NEK9: variants seen among roughly 807,000 people sequenced by gnomAD.
The protein encoded by NEK9 is NIMA related kinase 9, also known as serine/threonine-protein kinase Nek9.
NEK9 carries 75 observed loss-of-function variants against 123.4 expected under a neutral mutation model. The ratio of observed to expected loss-of-function variants is 0.61; its 90% CI spans 0.50 to 0.74. NEK9 has a LOEUF of 0.74. NEK9 is among the 30% of genes least tolerant of loss of function. The pLI, the probability that NEK9 is intolerant of heterozygous loss-of-function variation, is 0.00. For missense variants in NEK9, 952 were observed against 1,214.4 expected (o/e 0.78, Z 3.21); for synonymous variants, 438 against 458.7 (o/e 0.95, Z 0.58).
chr14:75,102,275 C>T (rs1236259754), intron 14 of NEK9, among the ~76,000 whole-genome samples: 1 of 152,216 alleles, frequency 6.6e-6, no homozygotes, highest in Non-Finnish European at 1.5e-5. Context: ...TTTAAAATTT[C>T]ACAACAAATC....
In NEK9 at chr14:75,114,196, C is replaced by T. The variant is rs1184703290; in HGVS notation, c.873+7G>A. ...GAAACTGAAGTGAATGTTTAAGTCA[C>T]ACCTACCTGGTCAAGGCACGAATGA... On this transcript the variant is annotated splice_region_variant and intron_variant, in intron 7 of 21. Transcript: ENST00000238616. 3 of 1,598,806 alleles carry T rather than the reference C, an allele frequency of 1.9e-6. No individual in the cohort carries two copies. The highest frequency in any genetic ancestry group is 2.2e-5 in the South Asian group (2 of 90,756).
At chr14:75,117,120 A>C in intron 6 of NEK9, 75 bp downstream of exon 6, 1 of 1,474,464 alleles carries the variant, frequency 6.8e-7, no homozygotes, top group Non-Finnish European at 9.1e-7. Context: ...GCCTGGGAAT[A>C]GAGTTGATCT....
intron 14 of NEK9, 45 bp downstream of exon 14, chr14:75,103,797 G>A: frequency 6.4e-7 from 1 of 1,555,652 alleles, no homozygotes; most frequent in South Asian, 1.2e-5. Context: ...TTCCAACCTA[G>A]AGAAATTCTG....
chr14:75,099,860 G>A (rs1156509156), intron 16 of NEK9, among the ~76,000 whole-genome samples: 2 of 151,444 alleles, frequency 1.3e-5, no homozygotes, highest in African/African-American at 4.9e-5. Context: ...ACCAGGTGCA[G>A]TGGCTCACAC....
intron 13 of NEK9, among the ~76,000 whole-genome samples, chr14:75,104,309 G>A (rs1405440066): frequency 6.6e-6 from 1 of 151,674 alleles, no homozygotes; most frequent in Non-Finnish European, 1.5e-5. Context: ...GGGATGACAG[G>A]TGCATGCCAC....
intron 9 of NEK9, among the ~76,000 whole-genome samples, 187 bp downstream of exon 9, chr14:75,110,134 T>C (rs1420591216): frequency 1.3e-5 from 2 of 152,240 alleles, no homozygotes; most frequent in East Asian, 3.8e-4. Context: ...ATGGTAATGA[T>C]GGCCACTTTA....
rs79939509 is a variant in NEK9 at position 75,117,685 on chromosome 14, C to G, written c.631-359G>C. On this transcript the variant is annotated intron_variant, in intron 5 of 21. Coordinates refer to ENST00000238616, the MANE Select transcript of NEK9 (RefSeq NM_033116.6). Reference sequence around the variant, plus strand: ...AGAAGTTCACCAATGGGAAAAAAATCCAAACACTGGCAGTGGGGAGATGGT... The same window carrying G: ...AGAAGTTCACCAATGGGAAAAAAATGCAAACACTGGCAGTGGGGAGATGGT... Among the ~76,000 whole-genome samples the G allele has an allele frequency of 9.2e-3, 1,397 of 152,246 alleles. 17 individuals are homozygous for G. Among genetic ancestry groups the G allele is most frequent in the African/African-American group, 0.032 (1,320 of 41,532 alleles).
intron 16 of NEK9, among the ~76,000 whole-genome samples, chr14:75,100,128 CAAAAAAAAAAAAAAAAAAAAA>C (rs71119346): frequency 5.9e-3 from 92 of 15,628 alleles, no homozygotes; most frequent in African/African-American, 0.015. Flanking sequence ...GACTCCATCT[CAAAAAAAAAAAAAAAAAAAAA>C]AAAAAAAAAA....
intron 18 of NEK9, among the ~76,000 whole-genome samples, chr14:75,094,274 G>T (rs1483686193): frequency 1.3e-5 from 2 of 152,284 alleles, no homozygotes; most frequent in African/African-American, 4.8e-5. Context: ...TTGACCGATT[G>T]TTTATGTATT....
intron 19 of NEK9, 28 bp downstream of exon 19, chr14:75,091,242 T>C: frequency 6.3e-7 from 1 of 1,582,708 alleles, no homozygotes; most frequent in Non-Finnish European, 8.6e-7. Flanking sequence ...ACATATTTTA[T>C]CCAAGTTACT....
chr14:75,119,645 G>C (rs1316069870), intron 4 of NEK9, among the ~76,000 whole-genome samples: 1 of 152,156 alleles, frequency 6.6e-6, no homozygotes, highest in Non-Finnish European at 1.5e-5. Context: ...TAACAAACTT[G>C]GTTGGTGTCA....
chr14:75,084,713 T>G, intron 21 of NEK9, 27 bp from the exon 22 acceptor site: 1 of 1,613,676 alleles, frequency 6.2e-7, no homozygotes, highest in Non-Finnish European at 8.5e-7. Flanking sequence ...CGGTTCCACA[T>G]TAGCAACAGT....
intron 7 of NEK9, among the ~76,000 whole-genome samples, chr14:75,113,858 T>C (rs184840061): frequency 6.2e-4 from 95 of 152,328 alleles, no homozygotes; most frequent in African/African-American, 2.2e-3. Context: ...CCATGAGATA[T>C]GAGAAATACA....
At chr14:75,110,494 A>T in intron 8 of NEK9, 123 bp from the exon 9 acceptor site, 1 of 701,418 alleles carries the variant, frequency 1.4e-6, no homozygotes, top group Middle Eastern at 4.0e-4. Flanking sequence ...ACAACATCAC[A>T]ATACTTTTAG....
chr14:75,113,948 A>C (rs78913051), intron 7 of NEK9, among the ~76,000 whole-genome samples: 1 of 46 alleles, frequency 0.022, no homozygotes, highest in African/African-American at 0.023. Flanking sequence ...TCTTGGTCAT[A>C]AAAAATCGAG....
In NEK9 at chr14:75,101,028, A is replaced by G. The variant is rs1315623511; in HGVS notation, c.1966T>C (p.Ser656Pro). The G allele has an allele frequency of 2.5e-6, 4 of 1,614,246 alleles. No individual in the cohort carries two copies. The highest frequency in any genetic ancestry group is 3.4e-6 in the Non-Finnish European group (4 of 1,180,032). The change falls in exon 16 of 22, where the codon TCC becomes CCC. Residue 656 changes from serine to proline, a missense_variant. Ser to Pro is a moderately conservative substitution (Grantham distance 74). Coordinates refer to ENST00000238616, the MANE Select transcript of NEK9 (RefSeq NM_033116.6). ...GCAATGGTAAACTCATCACCGCAGG[A>G]GACCCTGATCACTTGCTTCCCACCA... Reference protein sequence around the residue: ...PLGGKQVIRVSCGDEFTIAAT... With the variant: ...PLGGKQVIRVPCGDEFTIAAT...
rs1004380765 is a variant in NEK9 at position 75,091,141 on chromosome 14, C to A, written c.2442+129G>T. On this transcript the variant is annotated intron_variant, in intron 19 of 21. Coordinates refer to ENST00000238616, the MANE Select transcript of NEK9 (RefSeq NM_033116.6). ...AGGCAATTTCTTTCCAGGTAGAAAT[C>A]AGAAGGCTGGATTCAGGATGCACAA... The A allele has an allele frequency of 1.4e-5, 9 of 664,766 alleles. No individual in the cohort carries two copies. The African/African-American group carries it at 1.5e-4, about 11-fold the overall frequency. 41.2% of individuals were successfully genotyped at this position (664,766 alleles called of 1,614,324 possible). A position where few individuals can be genotyped will look rare whatever the true frequency, so the allele number is the denominator to read the frequency against.
intron 5 of NEK9, 149 bp from the exon 6 acceptor site, chr14:75,117,475 T>C (rs1895179859): frequency 1.3e-6 from 1 of 777,828 alleles, no homozygotes; most frequent in Non-Finnish European, 2.0e-6. Flanking sequence ...TATGAGACGA[T>C]GCCACTATGG....
At chr14:75,118,422 G>C (rs1895211927) in intron 5 of NEK9, among the ~76,000 whole-genome samples, 1 of 152,144 alleles carries the variant, frequency 6.6e-6, no homozygotes, top group African/African-American at 2.4e-5. Context: ...ATTAAAGAAT[G>C]GATTGTTCTC....
Sources: allele counts gnomAD v4.1 joint callset (sites outside exome capture counted in the v4.1 genomes callset), GRCh38; gene constraint gnomAD v4.1.1; transcripts MANE v1.5; gene names NCBI Gene and HGNC (gene_info 2026-07-23, HGNC 2026-07-21).